Variants in ASMTL observed in about 807,000 individuals in gnomAD.
ASMTL encodes the protein acetylserotonin O-methyltransferase like.
Under a neutral mutation model 60.3 loss-of-function variants are expected in ASMTL, and 57 were observed. That is an observed-to-expected ratio of 0.95 (90% CI 0.76 to 1.18). The LOEUF (loss-of-function observed/expected upper bound fraction) is 1.18. ASMTL is among the 50% of genes most tolerant of loss of function. The pLI is 0.00. For synonymous variants in ASMTL, 419 were observed against 373.0 expected, an observed-to-expected ratio of 1.12 and a Z score of -1.42; for missense variants, 981 against 852.6, an observed-to-expected ratio of 1.15 and a Z score of -1.88.
At position 1,421,853 on chromosome X, in the gene ASMTL, G is replaced by A. The variant is rs184085308; in HGVS notation, c.1061-11C>T. 1.9e-6 allele frequency: 3 copies of A among 1,613,640 alleles called. No homozygotes were observed. In the African/African-American group the frequency reaches 4.0e-5, roughly 22 times the overall value. On this transcript the variant is annotated splice_polypyrimidine_tract_variant and intron_variant, in intron 8 of 12. Transcript: ENST00000381317. The stretch of plus-strand genomic sequence containing the variant: ...CTGTGTTACTGTAACCTGGAGAAAT[G>A]GGGACAGTCGTGTGACCTCCTAACG...
upstream of ASMTL, chrX:1,452,952 G>T: frequency 1.3e-6 from 1 of 794,122 alleles, no homozygotes; most frequent in Non-Finnish European, 1.9e-6. Flanking sequence ...GCGAGGCCAC[G>T]CCCCCGCCCG....
chrX:1,419,414 T>A (rs1218404589), intron 9 of ASMTL, among the ~76,000 whole-genome samples: 1 of 152,114 alleles, frequency 6.6e-6, no homozygotes, highest in Non-Finnish European at 1.5e-5. Context: ...ACAATAAAGC[T>A]TTTCACCCTG....
chrX:1,430,791 T>A (rs2090749114), intron 6 of ASMTL, among the ~76,000 whole-genome samples: 1 of 147,710 alleles, frequency 6.8e-6, no homozygotes, highest in Admixed American at 6.9e-5. Context: ...AATAAAATTA[T>A]TTATATAAAT....
intron 6 of ASMTL, among the ~76,000 whole-genome samples, chrX:1,430,099 C>G (rs1477574313): frequency 1.3e-5 from 2 of 151,936 alleles, no homozygotes; most frequent in African/African-American, 2.4e-5. Context: ...ACTGCAACCT[C>G]CACCTGCTGG....
chrX:1,415,983 A>G (rs1188239509), intron 11 of ASMTL, among the ~76,000 whole-genome samples: 84 of 151,916 alleles, frequency 5.5e-4, no homozygotes, highest in Non-Finnish European at 1.1e-3. Flanking sequence ...AGGTACACAC[A>G]TGGACACACA....
chrX:1,416,347 AGTG>A (rs2090260257), intron 11 of ASMTL, among the ~76,000 whole-genome samples: 1 of 133,314 alleles, frequency 7.5e-6, no homozygotes, highest in Admixed American at 7.7e-5. Context: ...ATACAGATAC[AGTG>A]ACAGGCACAC....
chrX:1,433,076 C>A (rs184402913), intron 5 of ASMTL, among the ~76,000 whole-genome samples: 1 of 151,880 alleles, frequency 6.6e-6, no homozygotes, highest in African/African-American at 2.4e-5. Context: ...GCAGCCTGGG[C>A]GACAGAGCGA....
chrX:1,421,893 A>C (rs4933065), intron 8 of ASMTL, 51 bp from the exon 9 acceptor site: 154,698 of 1,554,808 alleles, frequency 0.099, 8,632 homozygotes, highest in Admixed American at 0.15. Context: ...AACCCAAGGA[A>C]ACCTGACCGT....
chrX:1,446,201 G>C (rs112017610), intron 1 of ASMTL, among the ~76,000 whole-genome samples: 3 of 152,052 alleles, frequency 2.0e-5, no homozygotes, highest in Admixed American at 6.6e-5. Flanking sequence ...TCTCTGCCTC[G>C]GCGGCCAGGC....
At chrX:1,420,264 T>C (rs1320397121) in intron 9 of ASMTL, among the ~76,000 whole-genome samples, 1 of 151,768 alleles carries the variant, frequency 6.6e-6, no homozygotes, top group Non-Finnish European at 1.5e-5. Context: ...TGTCTCACTC[T>C]ATCTCTGTCT....
intron 1 of ASMTL, among the ~76,000 whole-genome samples, chrX:1,452,078 T>G (rs1269453174): frequency 8.0e-6 from 1 of 125,160 alleles, no homozygotes; most frequent in African/African-American, 3.1e-5. Flanking sequence ...CCTAGGGGGG[T>G]CCCGGGTTAC....
chrX:1,440,256 T>G (rs1189604365), intron 2 of ASMTL, among the ~76,000 whole-genome samples: 38 of 152,022 alleles, frequency 2.5e-4, no homozygotes, highest in Admixed American at 2.3e-3. Flanking sequence ...CCAGCCAATA[T>G]TTTGTGTGTG....
upstream of ASMTL, chrX:1,453,678 T>TCCG (rs2091449844): frequency 2.1e-5 from 3 of 142,408 alleles, no homozygotes; most frequent in Admixed American, 2.1e-4. Context: ...TCGGGGAAGG[T>TCCG]AGAGATAGGG....
In ASMTL at chrX:1,427,929, G is replaced by A. The variant is rs1220605209; in HGVS notation, c.702C>T (p.Thr234=). 6.2e-7 allele frequency: 1 copy of A among 1,613,338 alleles called. No homozygotes were observed. Among genetic ancestry groups the A allele is most frequent in the Non-Finnish European group, 8.5e-7 (1 of 1,179,842 alleles). ...VKHDSIPAAD[T]FEDLSDVEGG... is the part of the protein sequence containing the mutation. Reference sequence around the variant, plus strand: ...CCTCCACGTCACTGAGGTCTTCGAAGGTGTCCGCGGCCGGGATGGAGTCGT... The same window carrying A: ...CCTCCACGTCACTGAGGTCTTCGAAAGTGTCCGCGGCCGGGATGGAGTCGT... The change falls in exon 7 of 13, where the codon ACC becomes ACT. Residue 234 remains threonine (T), a synonymous_variant. Transcript: ENST00000381317.
intron 10 of ASMTL, among the ~76,000 whole-genome samples, chrX:1,418,618 C>T (rs531002127): frequency 2.6e-5 from 4 of 152,020 alleles, no homozygotes; most frequent in African/African-American, 7.2e-5. Flanking sequence ...AGGCCCCGAT[C>T]CCCCAGCAGC....
intron 9 of ASMTL, among the ~76,000 whole-genome samples, chrX:1,419,914 C>G (rs1163677655): frequency 7.2e-6 from 1 of 139,170 alleles, no homozygotes. Context: ...GCTTCTCTCT[C>G]TGACTCTTTC....
rs779801306 is a variant in ASMTL, at chrX:1,438,948, C to G, written c.273+149G>C. On this transcript the variant is annotated intron_variant, in intron 3 of 12. Transcript: ENST00000381317. ...GGCCCCTTCCCGTGCCCTTAGGCCC[C>G]TCATCTGCTGGTAGTTTGTGATGGG... 1.1e-5 allele frequency: 10 copies of G among 887,698 alleles called. No individual in the cohort carries two copies. In the African/African-American group the frequency reaches 1.7e-4, roughly 15 times the overall value. 55.0% of individuals were successfully genotyped at this position (887,698 alleles called of 1,614,324 possible). A position where few individuals can be genotyped will look rare whatever the true frequency, so the allele number is the denominator to read the frequency against.
rs1263242654 is a variant in ASMTL at position 1,430,981 on chromosome X, TATA to T, written c.509+1285_509+1287del. Among the ~76,000 whole-genome samples the T allele has an allele frequency of 1.2e-4, 17 of 138,666 alleles. No homozygotes were observed. In the East Asian group the frequency reaches 2.4e-3, roughly 20 times the overall value. 91.0% of individuals were successfully genotyped at this position (138,666 alleles called of 152,430 possible). ...ATATTTAATTAATATATAATTTACA[TATA>T]ATCACACTTTATATTATTATGTAAT... On this transcript the variant is annotated intron_variant, in intron 6 of 12. Transcript: ENST00000381317.
intron 8 of ASMTL, among the ~76,000 whole-genome samples, chrX:1,425,201 TATAAAA>T (rs1226718946): frequency 5.3e-5 from 8 of 152,182 alleles, no homozygotes; most frequent in African/African-American, 1.9e-4. Flanking sequence ...GTTATTTGTC[TATAAAA>T]ATAAATAAGC....
Sources: allele counts gnomAD v4.1 joint callset (sites outside exome capture counted in the v4.1 genomes callset), GRCh38; gene constraint gnomAD v4.1.1; transcripts MANE v1.5; gene names NCBI Gene and HGNC (gene_info 2026-07-23, HGNC 2026-07-21).